Variants in PCDH15 observed in about 807,000 individuals in gnomAD.
PCDH15 encodes the protein protocadherin-15.
A neutral mutation model predicts 178.5 loss-of-function variants in PCDH15; 129 were observed. That is an observed-to-expected ratio of 0.72 (90% CI 0.63 to 0.84). The LOEUF is 0.84. Ranked by LOEUF, PCDH15 falls within the 40% of genes least tolerant of loss-of-function variation. The pLI is 0.00. For missense variants in PCDH15, 2,230 were observed against 2,099.9 expected, an observed-to-expected ratio of 1.06 and a Z score of -1.21; for synonymous variants, 800 against 732.0, an observed-to-expected ratio of 1.09 and a Z score of -1.50.
chr10:55,185,125 C>T (rs1045936790), intron 1 of PCDH15, among the ~76,000 whole-genome samples: 2 of 151,650 alleles, frequency 1.3e-5, no homozygotes, highest in Admixed American at 1.3e-4. Flanking sequence ...AATGTTTAAC[C>T]ACATTAAGAA....
intron 3 of PCDH15, among the ~76,000 whole-genome samples, chr10:54,433,321 A>G (rs1039601472): frequency 2.0e-5 from 3 of 152,188 alleles, no homozygotes; most frequent in Admixed American, 6.5e-5. Context: ...CAAAGTGTCC[A>G]TCAATAGGTA....
chr10:54,451,412 C>T (rs2076472325), intron 3 of PCDH15, among the ~76,000 whole-genome samples: 1 of 151,884 alleles, frequency 6.6e-6, no homozygotes, highest in Non-Finnish European at 1.5e-5. Flanking sequence ...GTCTGAACAA[C>T]AGATGTTTCT....
At chr10:55,309,673 G>C (rs1427367201) in intron 1 of PCDH15, among the ~76,000 whole-genome samples, 1 of 152,080 alleles carries the variant, frequency 6.6e-6, no homozygotes, top group South Asian at 2.1e-4. Flanking sequence ...AATAGTTTCT[G>C]ATTAAACTTT....
chr10:54,790,124 A>C (rs1373014533), intron 1 of PCDH15, among the ~76,000 whole-genome samples: 1 of 151,790 alleles, frequency 6.6e-6, no homozygotes, highest in African/African-American at 2.4e-5. Context: ...CATAACTAAG[A>C]TTTTATTTTC....
At chr10:54,469,986 G>A (rs1005863431) in intron 3 of PCDH15, among the ~76,000 whole-genome samples, 1 of 152,174 alleles carries the variant, frequency 6.6e-6, no homozygotes, top group Admixed American at 6.5e-5. Context: ...GGTGGGGCAG[G>A]ATGATACACA....
intron 1 of PCDH15, among the ~76,000 whole-genome samples, chr10:55,263,516 C>T (rs1164739744): frequency 6.6e-6 from 1 of 152,002 alleles, no homozygotes; most frequent in Non-Finnish European, 1.5e-5. Context: ...AAAGCTCGCA[C>T]CCAGCAGCCA....
At chr10:55,496,015 T>G (rs1453459775) in intron 2 of PCDH15, among the ~76,000 whole-genome samples, 1 of 151,524 alleles carries the variant, frequency 6.6e-6, no homozygotes, top group Non-Finnish European at 1.5e-5. Flanking sequence ...CAGGTAGGGG[T>G]AGGGTGAGGT....
At chr10:55,062,326 T>C (rs563039407) in intron 2 of PCDH15, among the ~76,000 whole-genome samples, 2 of 152,352 alleles carry the variant, frequency 1.3e-5, no homozygotes, top group Non-Finnish European at 2.9e-5. Context: ...AAATCTGCTG[T>C]TACCTTTATC....
intron 2 of PCDH15, among the ~76,000 whole-genome samples, chr10:54,969,418 A>G (rs1838877384): frequency 6.6e-6 from 1 of 152,190 alleles, no homozygotes; most frequent in Non-Finnish European, 1.5e-5. Flanking sequence ...CACCCTGGCC[A>G]GTTAGAATAT....
At chr10:54,636,125 AT>A (rs1409145263) in intron 2 of PCDH15, among the ~76,000 whole-genome samples, 2 of 151,898 alleles carry the variant, frequency 1.3e-5, no homozygotes, top group Non-Finnish European at 2.9e-5. Flanking sequence ...TAAAACCTTT[AT>A]TTTTTCCTAG....
chr10:53,936,295 T>A (rs1266848811), intron 25 of PCDH15, among the ~76,000 whole-genome samples: 2 of 152,304 alleles, frequency 1.3e-5, no homozygotes, highest in Middle Eastern at 3.4e-3. Context: ...TAATATGAAC[T>A]ATGTTTAATA....
intron 2 of PCDH15, among the ~76,000 whole-genome samples, chr10:55,380,961 G>C (rs948040026): frequency 6.6e-6 from 1 of 152,164 alleles, no homozygotes. Context: ...AAGTTATAAA[G>C]AGCCTCTTTG....
chr10:55,140,372 G>A (rs1838313529), intron 2 of PCDH15, among the ~76,000 whole-genome samples: 1 of 151,846 alleles, frequency 6.6e-6, no homozygotes, highest in Non-Finnish European at 1.5e-5. Context: ...TTTTGTAGAT[G>A]TCTGTGGCCA....
upstream of PCDH15, among the ~76,000 whole-genome samples, chr10:55,324,159 C>T (rs1843973887): frequency 6.6e-6 from 1 of 152,168 alleles, no homozygotes; most frequent in Non-Finnish European, 1.5e-5. Context: ...CCATGTGGAA[C>T]TGTTAGTCCA....
intron 8 of PCDH15, among the ~76,000 whole-genome samples, chr10:54,277,054 C>A (rs1007238038): frequency 2.6e-5 from 4 of 151,452 alleles, no homozygotes; most frequent in African/African-American, 9.7e-5. Context: ...TTTTTTTCCT[C>A]TTTTTCTCTC....
At chr10:54,614,360 TGA>T (rs2093063056) in intron 2 of PCDH15, among the ~76,000 whole-genome samples, 1 of 151,956 alleles carries the variant, frequency 6.6e-6, no homozygotes, top group African/African-American at 2.4e-5. Context: ...TTAAAACAAA[TGA>T]GAGAGGTAAA....
rs535097078 is a variant in PCDH15, at chr10:54,202,437, G to A, written c.1099-6548C>T. Among the ~76,000 whole-genome samples the A allele has an allele frequency of 1.2e-3, 177 of 152,154 alleles. 5 individuals are homozygous for A. In the South Asian group the frequency reaches 0.034, roughly 29 times the overall value. Reference sequence around the variant, plus strand: ...CACCAGAGGTAAGGGACAGATAAATGTTAAAAATCATGGCAACCACACAAG... The same window carrying A: ...CACCAGAGGTAAGGGACAGATAAATATTAAAAATCATGGCAACCACACAAG... On this transcript the variant is annotated intron_variant, in intron 10 of 37. Transcript: ENST00000644397.
chr10:55,336,696 CT>C (rs1344827686), intron 2 of PCDH15, among the ~76,000 whole-genome samples: 1 of 152,072 alleles, frequency 6.6e-6, no homozygotes, highest in South Asian at 2.1e-4. Flanking sequence ...CTTTCACCCC[CT>C]CATCCCCATT....
At chr10:55,535,398 T>A (rs1256162468) in intron 2 of PCDH15, among the ~76,000 whole-genome samples, 1 of 152,028 alleles carries the variant, frequency 6.6e-6, no homozygotes, top group Non-Finnish European at 1.5e-5. Flanking sequence ...GGCAACAAAA[T>A]CATAATCTTT....
Sources: allele counts gnomAD v4.1 joint callset (sites outside exome capture counted in the v4.1 genomes callset), GRCh38; gene constraint gnomAD v4.1.1; transcripts MANE v1.5; gene names NCBI Gene and HGNC (gene_info 2026-07-23, HGNC 2026-07-21).